The following RYR1 variants were observed in gnomAD, a reference collection of about 807,000 sequenced individuals.
RYR1 encodes the protein central core disease of muscle.
In RYR1, 342 loss-of-function variants were observed where a neutral mutation model predicts 583.5. The observed-to-expected ratio is 0.59, with a 90% CI of 0.54 to 0.64. The LOEUF is 0.64. Among genes scored for constraint, RYR1 ranks in the 30% least tolerant of loss-of-function variants. RYR1 has a pLI of 0.00. For missense variants in RYR1, 6,032 were observed against 6,917.2 expected (o/e 0.87, Z 4.54); for synonymous variants, 2,791 against 2,822.5 (o/e 0.99, Z 0.35).
intron 35 of RYR1, among the ~76,000 whole-genome samples, chr19:38,489,791 G>T (rs1338263315): frequency 1.3e-5 from 2 of 152,142 alleles, no homozygotes; most frequent in African/African-American, 4.8e-5. Context: ...ACCACGCCCA[G>T]CTAATTTTTT....
chr19:38,465,964 C>A, intron 23 of RYR1, 127 bp from the exon 24 acceptor site: 1 of 902,564 alleles, frequency 1.1e-6, no homozygotes, highest in Non-Finnish European at 1.7e-6. Context: ...CATAGAACTG[C>A]AACATTATAT....
In RYR1 at chr19:38,448,826, C is replaced by G; in HGVS notation, c.1122+13C>G. ...GCTCAAGAAGAAGGTGGGTGTAATCCCAGCTACTCAGGAGGCTGAGGTGGG... is the reference window on the plus strand; with the variant it reads ...GCTCAAGAAGAAGGTGGGTGTAATCGCAGCTACTCAGGAGGCTGAGGTGGG... On this transcript the variant is annotated intron_variant, in intron 11 of 105. Transcript: ENST00000359596. 3 of 1,612,502 alleles carry G rather than the reference C, an allele frequency of 1.9e-6. No individual in the cohort carries two copies. Among genetic ancestry groups the G allele is most frequent in the Admixed American group, 1.7e-5 (1 of 59,878 alleles).
chr19:38,433,876 T>A lies in RYR1; in HGVS notation c.45+2T>A. The A allele has an allele frequency of 6.2e-7, 1 of 1,612,324 alleles. No individual in the cohort carries two copies. On this transcript the variant is annotated splice_donor_variant, in intron 1 of 105. Coordinates refer to ENST00000359596, the MANE Select transcript of RYR1 (RefSeq NM_000540.3). LOFTEE classifies it high-confidence loss of function. ...GACGAGGTCCAGTTCCTGCGGACGGTGCGTATCTCTGGGTTAGGGGCCTGT... is the reference window on the plus strand; with the variant it reads ...GACGAGGTCCAGTTCCTGCGGACGGAGCGTATCTCTGGGTTAGGGGCCTGT...
At chr19:38,445,430 T>C (rs1201992503) in intron 7 of RYR1, among the ~76,000 whole-genome samples, 1 of 151,776 alleles carries the variant, frequency 6.6e-6, no homozygotes, top group African/African-American at 2.4e-5. Context: ...CCAATTCAGA[T>C]TCCCATGCTA....
At position 38,465,629 on chromosome 19, in the gene RYR1, T is replaced by C. The variant is rs921345180; in HGVS notation, c.2871-462T>C. Reference sequence around the variant, plus strand: ...AAAATACAAAATTAGCCGGGTGTGGTGGCACATGCCTGTAATCCCTGCTAC... The same window carrying C: ...AAAATACAAAATTAGCCGGGTGTGGCGGCACATGCCTGTAATCCCTGCTAC... On this transcript the variant is annotated intron_variant, in intron 23 of 105. Coordinates refer to ENST00000359596, the MANE Select transcript of RYR1 (RefSeq NM_000540.3). Among the ~76,000 whole-genome samples the C allele has an allele frequency of 7.2e-5, 11 of 152,204 alleles. No homozygotes were observed. In the East Asian group the frequency reaches 7.7e-4, roughly 11 times the overall value.
At chr19:38,501,132 G>C (rs1169707790) in intron 47 of RYR1, 142 bp downstream of exon 47, 2 of 809,732 alleles carry the variant, frequency 2.5e-6, no homozygotes, top group African/African-American at 3.4e-5. Flanking sequence ...CATCAAGATA[G>C]AAAATGAAAA....
At chr19:38,457,693 A>G in intron 17 of RYR1, 63 bp downstream of exon 17, 1 of 1,530,696 alleles carries the variant, frequency 6.5e-7, no homozygotes, top group Non-Finnish European at 9.0e-7. Flanking sequence ...TGACTTAGAG[A>G]CTCCACACCC....
chr19:38,456,551 G>C lies in RYR1; in HGVS notation c.1791+800G>C, dbSNP rs137962664. ...CCCACTTTGGCCTCCCAAAGTGCTGGGATTACAGGTGTGAGCCACCGTGCC... is the reference window on the plus strand; with the variant it reads ...CCCACTTTGGCCTCCCAAAGTGCTGCGATTACAGGTGTGAGCCACCGTGCC... On this transcript the variant is annotated intron_variant, in intron 16 of 105. Transcript: ENST00000359596. Among the ~76,000 whole-genome samples the C allele has an allele frequency of 3.6e-3, 550 of 151,498 alleles. 3 individuals carry two copies. The highest frequency in any genetic ancestry group is 0.013 in the African/African-American group (523 of 41,302).
rs1233527315 is a variant in RYR1 at position 38,494,390 on chromosome 19, T to C, written c.6313T>C (p.Trp2105Arg). 1 of 1,611,664 alleles carries C rather than the reference T, an allele frequency of 6.2e-7. No individual in the cohort carries two copies. Among genetic ancestry groups the C allele is most frequent in the East Asian group, 2.2e-5 (1 of 44,890 alleles). ...QELVSHMVVR[W>R]AQEDFVQSPE... The stretch of plus-strand genomic sequence containing the variant: ...GCTGGTGTCCCACATGGTGGTGCGC[T>C]GGGCCCAAGAGGACTTCGTGCAGAG... Residue 2105 changes from tryptophan (W) to arginine (R), a missense_variant, in exon 39 of 106, where the codon TGG becomes CGG. Coordinates refer to ENST00000359596, the MANE Select transcript of RYR1 (RefSeq NM_000540.3).
At chr19:38,564,924 C>G in intron 90 of RYR1, 35 bp from the exon 91 acceptor site, 1 of 1,553,746 alleles carries the variant, frequency 6.4e-7, no homozygotes, top group Non-Finnish European at 8.7e-7. Flanking sequence ...CCCCCGCTGA[C>G]GGCGCCCTAT....
intron 96 of RYR1, among the ~76,000 whole-genome samples, chr19:38,574,259 G>GAAA (rs1181191265): frequency 1.3e-4 from 5 of 38,950 alleles, no homozygotes; most frequent in African/African-American, 5.1e-4. Flanking sequence ...GACTCCATCT[G>GAAA]AAAAAAAAAA....
At chr19:38,545,791 A>G (rs575797123) in intron 87 of RYR1, among the ~76,000 whole-genome samples, 116 of 152,332 alleles carry the variant, frequency 7.6e-4, no homozygotes, top group South Asian at 1.2e-3. Flanking sequence ...GGCCTGGGCA[A>G]CAAGAGCAAA....
At position 38,567,003 on chromosome 19, in the gene RYR1, G is replaced by T. The variant is rs761877895; in HGVS notation, c.13514+16G>T. ...AGAAAGCCGAGTGAGTGGCCTTGGG[G>T]CTGAGGGGCCTAGCCCCTATCACTG... On this transcript the variant is annotated intron_variant, in intron 92 of 105. Coordinates refer to ENST00000359596, the MANE Select transcript of RYR1 (RefSeq NM_000540.3). 2.5e-6 allele frequency: 4 copies of T among 1,576,014 alleles called. No homozygotes were observed. Among genetic ancestry groups the T allele is most frequent in the Non-Finnish European group, 3.4e-6 (4 of 1,160,460 alleles).
chr19:38,476,717 GA>G (rs1555776813), intron 29 of RYR1, among the ~76,000 whole-genome samples: 3 of 152,190 alleles, frequency 2.0e-5, no homozygotes, highest in Non-Finnish European at 4.4e-5. Flanking sequence ...CCCTGGCCTC[GA>G]GATTAGATCA....
chr19:38,437,296 C>T (rs976067317), intron 1 of RYR1, among the ~76,000 whole-genome samples: 1 of 151,988 alleles, frequency 6.6e-6, no homozygotes, highest in Non-Finnish European at 1.5e-5. Context: ...AGTGATGCGC[C>T]CACCTTGGCC....
chr19:38,439,845 G>A (rs866243716), intron 1 of RYR1, among the ~76,000 whole-genome samples: 1 of 152,088 alleles, frequency 6.6e-6, no homozygotes, highest in East Asian at 1.9e-4. Flanking sequence ...GATCCAGCCC[G>A]GGCTGTCACA....
At chr19:38,471,989 A>G (rs925048328) in intron 27 of RYR1, among the ~76,000 whole-genome samples, 1 of 151,422 alleles carries the variant, frequency 6.6e-6, no homozygotes, top group Non-Finnish European at 1.5e-5. Context: ...AGGAGTACCT[A>G]GGTTCATCTT....
chr19:38,514,832 A>G (rs950259046), intron 63 of RYR1, among the ~76,000 whole-genome samples, 194 bp from the exon 64 acceptor site: 2 of 152,058 alleles, frequency 1.3e-5, no homozygotes, highest in Non-Finnish European at 2.9e-5. Flanking sequence ...AACTATCCCC[A>G]TGTTACAGGT....
At chr19:38,558,820 G>A (rs1175103426) in intron 89 of RYR1, among the ~76,000 whole-genome samples, 3 of 141,618 alleles carry the variant, frequency 2.1e-5, no homozygotes, top group African/African-American at 7.9e-5. Flanking sequence ...TCCAGGTGTG[G>A]TGGCTCACAC....
Sources: gnomAD v4.1 joint callset for allele counts (sites outside exome capture counted in the v4.1 genomes callset) on GRCh38, gnomAD v4.1.1 for gene constraint, MANE v1.5 for transcripts, NCBI Gene and HGNC (gene_info 2026-07-23, HGNC 2026-07-21) for gene names.